ABTB3: variants seen among roughly 807,000 people sequenced by gnomAD.
The protein encoded by ABTB3 is ankyrin repeat- and BTB/POZ domain-containing protein 3.
chr12:107,538,622 T>C, the ABTB3 span, among the ~76,000 whole-genome samples: 11 of 152,310 alleles, frequency 7.2e-5, no homozygotes, highest in African/African-American at 2.6e-4. Flanking sequence ...GCCTCCGTTG[T>C]TGTTGAGTTG....
chr12:107,452,528 G>A, the ABTB3 span, among the ~76,000 whole-genome samples: 1 of 151,954 alleles, frequency 6.6e-6, no homozygotes, highest in African/African-American at 2.4e-5. Flanking sequence ...GTGTCTAGGG[G>A]TAAGCCACGG....
the ABTB3 span, among the ~76,000 whole-genome samples, chr12:107,336,249 A>G: frequency 6.6e-6 from 1 of 152,216 alleles, no homozygotes; most frequent in South Asian, 2.1e-4. Flanking sequence ...AACAGAAAGG[A>G]TCAGTCCTGC....
chr12:107,545,465 C>T, the ABTB3 span, among the ~76,000 whole-genome samples: 1 of 152,010 alleles, frequency 6.6e-6, no homozygotes, highest in African/African-American at 2.4e-5. Flanking sequence ...AGGCTGGTCC[C>T]AAACCCTGGG....
At chr12:107,517,293 A>G in the ABTB3 span, among the ~76,000 whole-genome samples, 2 of 152,212 alleles carry the variant, frequency 1.3e-5, no homozygotes, top group Admixed American at 1.3e-4. Flanking sequence ...GCTTGAAGTC[A>G]GGTAGCGTGA....
At chr12:107,469,352 G>T in the ABTB3 span, among the ~76,000 whole-genome samples, 1 of 152,224 alleles carries the variant, frequency 6.6e-6, no homozygotes, top group East Asian at 1.9e-4. Context: ...TGCAGAACCA[G>T]GTAGCCCAGG....
the ABTB3 span, among the ~76,000 whole-genome samples, chr12:107,362,123 G>A: frequency 6.6e-6 from 1 of 152,344 alleles, no homozygotes; most frequent in East Asian, 1.9e-4. Context: ...TTTTGCTACA[G>A]CAACCCAAAC....
At chr12:107,564,634 A>G in the ABTB3 span, among the ~76,000 whole-genome samples, 1 of 152,202 alleles carries the variant, frequency 6.6e-6, no homozygotes, top group Non-Finnish European at 1.5e-5. Flanking sequence ...ACAACTATCA[A>G]TTTAACCCAA....
chr12:107,320,134 G>A, the ABTB3 span: 1 of 1,365,788 alleles, frequency 7.3e-7, no homozygotes, highest in Non-Finnish European at 9.5e-7. Context: ...CTTGGCGCAA[G>A]TTTGCCTCGC....
chr12:107,359,570 C>T, the ABTB3 span, among the ~76,000 whole-genome samples: 1 of 152,068 alleles, frequency 6.6e-6, no homozygotes, highest in African/African-American at 2.4e-5. Flanking sequence ...GGGAGATGAG[C>T]ACTGCAGCCT....
chr12:107,400,115 C>G, the ABTB3 span, among the ~76,000 whole-genome samples: 1 of 152,294 alleles, frequency 6.6e-6, no homozygotes, highest in Non-Finnish European at 1.5e-5. Flanking sequence ...GGTTCCAAGT[C>G]TTTGCTATTA....
At chr12:107,524,793 C>G in the ABTB3 span, among the ~76,000 whole-genome samples, 1 of 152,326 alleles carries the variant, frequency 6.6e-6, no homozygotes, top group African/African-American at 2.4e-5. Context: ...GATATTTCCA[C>G]TCAGACTTGA....
chr12:107,482,990 TTCC>T, the ABTB3 span, among the ~76,000 whole-genome samples: 2,040 of 15,408 alleles, frequency 0.13, 51 homozygotes, highest in Non-Finnish European at 0.19. Flanking sequence ...CTTTCTTTCC[TTCC>T]TTCCTTCCTT....
the ABTB3 span, among the ~76,000 whole-genome samples, chr12:107,602,525 A>C: frequency 6.6e-6 from 1 of 152,250 alleles, no homozygotes; most frequent in African/African-American, 2.4e-5. Flanking sequence ...TATCTCATTT[A>C]ATTCATATCC....
chr12:107,348,989 G>C, the ABTB3 span, among the ~76,000 whole-genome samples: 1 of 152,256 alleles, frequency 6.6e-6, no homozygotes, highest in Middle Eastern at 3.4e-3. Flanking sequence ...AACTGTCTTG[G>C]CACTTAGCTT....
the ABTB3 span, among the ~76,000 whole-genome samples, chr12:107,439,263 C>T: frequency 5.3e-5 from 8 of 152,180 alleles, no homozygotes; most frequent in East Asian, 1.2e-3. Flanking sequence ...GTTGGCCATT[C>T]GGTTTGACTG....
At chr12:107,342,308 C>T in the ABTB3 span, among the ~76,000 whole-genome samples, 2 of 152,002 alleles carry the variant, frequency 1.3e-5, no homozygotes, top group East Asian at 1.9e-4. Context: ...ATCCAAGCAG[C>T]TCCCTAGGGG....
chr12:107,555,022 GT>G, the ABTB3 span, among the ~76,000 whole-genome samples: 1 of 152,250 alleles, frequency 6.6e-6, no homozygotes, highest in African/African-American at 2.4e-5. Context: ...TCCCTCTGCA[GT>G]TTGCTGAAAT....
chr12:107,551,757 T>C, the ABTB3 span, among the ~76,000 whole-genome samples: 1 of 105,068 alleles, frequency 9.5e-6, no homozygotes, highest in African/African-American at 4.1e-5. Flanking sequence ...ATAATCTTCT[T>C]TTTTTTTTTT....
the ABTB3 span, among the ~76,000 whole-genome samples, chr12:107,388,484 C>G: frequency 6.6e-6 from 1 of 150,960 alleles, no homozygotes; most frequent in Non-Finnish European, 1.5e-5. Context: ...CTTTTCCTCC[C>G]CTTCTCCTCA....
Sources: gnomAD v4.1 joint callset for allele counts (sites outside exome capture counted in the v4.1 genomes callset) on GRCh38, gnomAD v4.1.1 for gene constraint, MANE v1.5 for transcripts, NCBI Gene and HGNC (gene_info 2026-07-23, HGNC 2026-07-21) for gene names.